Variants in EXOC6B observed in about 807,000 individuals in gnomAD.
The protein encoded by EXOC6B is exocyst complex component 6B, also known as SEC15 homolog B.
In EXOC6B, 54 loss-of-function variants were observed where a neutral mutation model predicts 113.5. That is an observed-to-expected ratio of 0.48 (90% CI 0.38 to 0.60). The LOEUF is 0.60. Among genes scored for constraint, EXOC6B ranks in the 20% least tolerant of loss-of-function variants. The pLI is 0.00. For missense variants in EXOC6B, 797 were observed against 977.5 expected (o/e 0.82, Z 2.46); for synonymous variants, 357 against 339.0 (o/e 1.05, Z -0.58).
At chr2:72,212,559 AT>A (rs1680260755) in intron 20 of EXOC6B, among the ~76,000 whole-genome samples, 1 of 152,216 alleles carries the variant, frequency 6.6e-6, no homozygotes, top group African/African-American at 2.4e-5. Context: ...CTTTAACTTA[AT>A]AAAAATGCAT....
At chr2:72,274,681 C>T (rs887106484) in intron 20 of EXOC6B, among the ~76,000 whole-genome samples, 5 of 152,150 alleles carry the variant, frequency 3.3e-5, no homozygotes, top group African/African-American at 9.6e-5. Context: ...TAAGCAGAGA[C>T]GTGAACAATT....
rs543435798 is a variant in EXOC6B at position 72,539,726 on chromosome 2, G to A, written c.915+19727C>T. Among the ~76,000 whole-genome samples the A allele has an allele frequency of 2.0e-4, 24 of 118,438 alleles. No individual in the cohort carries two copies. The East Asian group carries it at 2.6e-3, about 13-fold the overall frequency. The allele number at this position is 118,438 out of a possible 152,430, so 77.7% of individuals were successfully genotyped here. On this transcript the variant is annotated intron_variant, in intron 8 of 21. Coordinates refer to ENST00000272427, the MANE Select transcript of EXOC6B (RefSeq NM_015189.3). The stretch of plus-strand genomic sequence containing the variant: ...TTCTTATATCTTTTCCTTTCCTGTG[G>A]GCTATGCGTGTGTGTGTGTGTGTGC...
intron 6 of EXOC6B, among the ~76,000 whole-genome samples, chr2:72,667,026 C>A (rs1265396785): frequency 2.6e-5 from 4 of 152,030 alleles, no homozygotes; most frequent in Non-Finnish European, 5.9e-5. Flanking sequence ...CCACAGCCAG[C>A]TAATTTTTTT....
chr2:72,545,287 T>C (rs560480861), intron 8 of EXOC6B, among the ~76,000 whole-genome samples: 1 of 152,232 alleles, frequency 6.6e-6, no homozygotes, highest in Admixed American at 6.5e-5. Flanking sequence ...TTTTTTTCAT[T>C]TGCCAATCAA....
intron 19 of EXOC6B, among the ~76,000 whole-genome samples, chr2:72,373,146 G>A (rs751807827): frequency 1.3e-5 from 2 of 148,392 alleles, no homozygotes; most frequent in Non-Finnish European, 3.0e-5. Flanking sequence ...TCAGCTCACT[G>A]CAACCTCCAC....
intron 20 of EXOC6B, among the ~76,000 whole-genome samples, chr2:72,241,017 T>C (rs527701094): frequency 8.7e-4 from 132 of 152,216 alleles, no homozygotes; most frequent in Middle Eastern, 6.8e-3. Context: ...GCAGAAAAAC[T>C]GAAGCTATAA....
chr2:72,746,521 G>C (rs1681706831), intron 1 of EXOC6B, among the ~76,000 whole-genome samples: 1 of 151,960 alleles, frequency 6.6e-6, no homozygotes, highest in Non-Finnish European at 1.5e-5. Context: ...TAAATTTCAT[G>C]TGCATATTAA....
intron 16 of EXOC6B, among the ~76,000 whole-genome samples, chr2:72,484,511 G>A (rs1220018681): frequency 6.8e-6 from 1 of 147,760 alleles, no homozygotes; most frequent in African/African-American, 2.5e-5. Flanking sequence ...AGCTTGCAGT[G>A]AGCCGAGATC....
At chr2:72,380,758 C>T (rs1269677848) in intron 18 of EXOC6B, among the ~76,000 whole-genome samples, 2 of 152,076 alleles carry the variant, frequency 1.3e-5, no homozygotes, top group South Asian at 2.1e-4. Flanking sequence ...TGAATATAAA[C>T]TCTAGGTCAA....
rs145955656 is a variant in EXOC6B, at chr2:72,268,855, C to T, written c.2196+66092G>A. ...CACCATGGTTGTATGCTTCCTGAGGCCCTCATCAGAAGCAGATGCCAGCCC... is the reference window on the plus strand; with the variant it reads ...CACCATGGTTGTATGCTTCCTGAGGTCCTCATCAGAAGCAGATGCCAGCCC... On this transcript the variant is annotated intron_variant, in intron 20 of 21. Transcript: ENST00000272427. Among the ~76,000 whole-genome samples the T allele has an allele frequency of 3.5e-4, 54 of 152,280 alleles. 1 individual carries two copies. The South Asian group carries it at 4.3e-3, about 12-fold the overall frequency.
At chr2:72,638,581 A>G (rs1476923871) in intron 6 of EXOC6B, among the ~76,000 whole-genome samples, 1 of 152,156 alleles carries the variant, frequency 6.6e-6, no homozygotes, top group South Asian at 2.1e-4. Context: ...CTGGCCCACA[A>G]TAGCCCCAGG....
At chr2:72,678,078 C>G (rs1676438388) in intron 6 of EXOC6B, among the ~76,000 whole-genome samples, 1 of 152,180 alleles carries the variant, frequency 6.6e-6, no homozygotes, top group African/African-American at 2.4e-5. Flanking sequence ...CTCTACAGTT[C>G]TCACCAGGAC....
In EXOC6B at chr2:72,649,131, C is replaced by T. The variant is rs146297813; in HGVS notation, c.669+68972G>A. ...TTCCTACCTTGGTGACAGGGAGAGA[C>T]CCTGTCTCTATTTAAAGAAAAAAAT... is the stretch of plus-strand genomic sequence containing the variant. On this transcript the variant is annotated intron_variant, in intron 6 of 21. Coordinates refer to ENST00000272427, the MANE Select transcript of EXOC6B (RefSeq NM_015189.3). 3.0e-3 allele frequency among the ~76,000 whole-genome samples: 462 copies of T among 152,082 alleles called. 1 individual carries two copies. The highest frequency in any genetic ancestry group is 0.01 in the African/African-American group (420 of 41,452).
At chr2:72,281,429 T>C (rs1459386424) in intron 20 of EXOC6B, among the ~76,000 whole-genome samples, 1 of 152,012 alleles carries the variant, frequency 6.6e-6, no homozygotes, top group Non-Finnish European at 1.5e-5. Context: ...AAATAGAGAA[T>C]AAAATACAGA....
chr2:72,213,244 C>T (rs1420708235), intron 20 of EXOC6B, among the ~76,000 whole-genome samples: 3 of 152,232 alleles, frequency 2.0e-5, no homozygotes, highest in Non-Finnish European at 4.4e-5. Flanking sequence ...CATCCGATTG[C>T]AACCTCATGA....
At chr2:72,343,421 T>G (rs147584089) in intron 19 of EXOC6B, among the ~76,000 whole-genome samples, 1 of 152,180 alleles carries the variant, frequency 6.6e-6, no homozygotes, top group Non-Finnish European at 1.5e-5. Flanking sequence ...AGTGAGACTG[T>G]GTCAAAACAA....
intron 7 of EXOC6B, 142 bp downstream of exon 7, chr2:72,575,350 G>A: frequency 3.0e-6 from 2 of 664,434 alleles, no homozygotes; most frequent in East Asian, 3.4e-5. Context: ...TCCTTAAATT[G>A]AGCCTTATTT....
intron 2 of EXOC6B, among the ~76,000 whole-genome samples, chr2:72,737,429 G>A (rs926960435): frequency 6.6e-6 from 1 of 152,000 alleles, no homozygotes; most frequent in Admixed American, 6.6e-5. Context: ...TCAATGTTTT[G>A]TATCACCTAC....
intron 18 of EXOC6B, among the ~76,000 whole-genome samples, chr2:72,397,821 C>G (rs775231564): frequency 2.0e-5 from 3 of 151,768 alleles, no homozygotes; most frequent in Non-Finnish European, 4.4e-5. Context: ...AGAAAGCCAT[C>G]AAATGGGGCT....
Sources: gnomAD v4.1 joint callset for allele counts (sites outside exome capture counted in the v4.1 genomes callset) on GRCh38, gnomAD v4.1.1 for gene constraint, MANE v1.5 for transcripts, NCBI Gene and HGNC (gene_info 2026-07-23, HGNC 2026-07-21) for gene names.